MGAM2: variants seen among roughly 807,000 people sequenced by gnomAD.
MGAM2 encodes probable maltase-glucoamylase 2.
In MGAM2, 98 loss-of-function variants were observed where a neutral mutation model predicts 96.1. That is an observed-to-expected ratio of 1.02 (90% confidence interval 0.87 to 1.21). The LOEUF is 1.21. Among genes scored for constraint, MGAM2 ranks in the 50% most tolerant of loss-of-function variants. The pLI, the probability that MGAM2 is intolerant of heterozygous loss-of-function variation, is 0.00. For missense variants in MGAM2, 2,055 were observed against 1,182.4 expected (o/e 1.74, Z -10.82); for synonymous variants, 749 against 414.8 (o/e 1.81, Z -9.79).
At chr7:142,141,160 G>T in intron 12 of MGAM2, 41 bp downstream of exon 12, 1 of 689,832 alleles carries the variant, frequency 1.4e-6, no homozygotes, top group South Asian at 1.6e-5. Flanking sequence ...TGATTGTTTT[G>T]GGGAGTTGTA....
chr7:142,119,745 T>C (rs1278869590), intron 2 of MGAM2, among the ~76,000 whole-genome samples: 1 of 152,206 alleles, frequency 6.6e-6, no homozygotes, highest in East Asian at 1.9e-4. Context: ...CACTGATACA[T>C]ACTACAACAT....
At chr7:142,155,097 T>A (rs142788897) in intron 17 of MGAM2, among the ~76,000 whole-genome samples, 1 of 152,232 alleles carries the variant, frequency 6.6e-6, no homozygotes, top group Non-Finnish European at 1.5e-5. Flanking sequence ...AAAGTTTCTA[T>A]GGTGCTGCCA....
intron 17 of MGAM2, among the ~76,000 whole-genome samples, chr7:142,156,230 ATG>A (rs940941695): frequency 2.6e-5 from 4 of 151,958 alleles, no homozygotes; most frequent in Non-Finnish European, 2.9e-5. Flanking sequence ...GTGTATCTAT[ATG>A]TGTGTGTGTG....
intron 13 of MGAM2, among the ~76,000 whole-genome samples, chr7:142,144,262 G>A (rs1017967002): frequency 6.6e-6 from 1 of 152,088 alleles, no homozygotes; most frequent in Non-Finnish European, 1.5e-5. Flanking sequence ...TATTTTTATG[G>A]AAGAACAATA....
At chr7:142,113,999 C>A (rs559826669) in intron 1 of MGAM2, among the ~76,000 whole-genome samples, 1 of 151,616 alleles carries the variant, frequency 6.6e-6, no homozygotes, top group Non-Finnish European at 1.5e-5. Context: ...GGCATGATGG[C>A]GGGTGCCTGT....
chr7:142,191,801 G>A (rs1262072824), intron 37 of MGAM2, among the ~76,000 whole-genome samples: 1 of 151,836 alleles, frequency 6.6e-6, no homozygotes, highest in Non-Finnish European at 1.5e-5. Context: ...AAATCAGTTT[G>A]GTGAGTATTA....
rs1796795145 is a variant in MGAM2 at position 142,189,239 on chromosome 7, C to T, written c.4208-128C>T. ...AACATTGTTTTCTATAGACTAAAACCTCATAAAATTGGGTCTGTTACTGGT... is the reference window on the plus strand; with the variant it reads ...AACATTGTTTTCTATAGACTAAAACTTCATAAAATTGGGTCTGTTACTGGT... On this transcript the variant is annotated intron_variant, in intron 36 of 47. Coordinates refer to ENST00000477922, the MANE Select transcript of MGAM2 (RefSeq NM_001293626.2). 7.3e-6 allele frequency: 4 copies of T among 545,854 alleles called. No homozygotes were observed. In the East Asian group the frequency reaches 1.3e-4, roughly 17 times the overall value. The allele number at this position is 545,854 out of a possible 1,614,324, so 33.8% of individuals were successfully genotyped here. A position where few individuals can be genotyped will look rare whatever the true frequency, so the allele number is the denominator to read the frequency against.
Position 142,134,157 on chromosome 7 carries a change from G to A in MGAM2, c.747+5G>A, listed in dbSNP as rs1794988431. On this transcript the variant is annotated splice_donor_5th_base_variant and intron_variant, in intron 7 of 47. Coordinates refer to ENST00000477922, the MANE Select transcript of MGAM2 (RefSeq NM_001293626.2). ...CGGGACGCTACCCCCACCGAGGTGA[G>A]GTGGCTTTCCTCCTGAGTATCGCCC... is the stretch of plus-strand genomic sequence containing the variant. The A allele has an allele frequency of 1.4e-6, 1 of 735,096 alleles. No homozygotes were observed. Among genetic ancestry groups the A allele is most frequent in the Admixed American group, 1.8e-5 (1 of 54,224 alleles). The allele number at this position is 735,096 out of a possible 1,614,324, so 45.5% of individuals were successfully genotyped here. A position where few individuals can be genotyped will look rare whatever the true frequency, so the allele number is the denominator to read the frequency against.
At position 142,214,838 on chromosome 7, in the gene MGAM2, T is replaced by A. The variant is rs140180286; in HGVS notation, c.5188-3523T>A. On this transcript the variant is annotated intron_variant, in intron 46 of 47. Coordinates refer to ENST00000477922, the MANE Select transcript of MGAM2 (RefSeq NM_001293626.2). ...GAGGATGTGGAGAAATAGGAATGCT[T>A]TTACACTGTCAGTGGGAGTGTAAAT... 4.7e-3 allele frequency among the ~76,000 whole-genome samples: 711 copies of A among 152,308 alleles called. 10 individuals are homozygous for A. In the East Asian group the frequency reaches 0.066, roughly 14 times the overall value.
chr7:142,137,345 T>C, intron 8 of MGAM2, 88 bp from the exon 9 acceptor site: 1 of 523,436 alleles, frequency 1.9e-6, no homozygotes, highest in Non-Finnish European at 3.4e-6. Context: ...AGACTGAGAC[T>C]CTTTTAGGTG....
intron 24 of MGAM2, among the ~76,000 whole-genome samples, chr7:142,165,633 A>G (rs1195477854): frequency 6.6e-6 from 1 of 152,202 alleles, no homozygotes; most frequent in Non-Finnish European, 1.5e-5. Flanking sequence ...CTCTTAGGGT[A>G]TTAGGTGTCT....
chr7:142,186,264 G>T (rs1207349714), intron 35 of MGAM2, 141 bp downstream of exon 35: 5 of 608,300 alleles, frequency 8.2e-6, no homozygotes, highest in Admixed American at 2.8e-5. Context: ...GAATCTAGGT[G>T]CTAGGACCAA....
intron 46 of MGAM2, among the ~76,000 whole-genome samples, chr7:142,213,270 G>T (rs1351459220): frequency 6.6e-6 from 1 of 152,092 alleles, no homozygotes; most frequent in African/African-American, 2.4e-5. Flanking sequence ...AGCTAGAGAA[G>T]CAAGGGCAAA....
chr7:142,204,793 A>G (rs1379137337), intron 45 of MGAM2, among the ~76,000 whole-genome samples: 1 of 152,082 alleles, frequency 6.6e-6, no homozygotes, highest in Non-Finnish European at 1.5e-5. Context: ...ATAAATAAAT[A>G]CGTAAATAAA....
At chr7:142,171,654 A>T (rs1256174064) in intron 28 of MGAM2, among the ~76,000 whole-genome samples, 1 of 68,120 alleles carries the variant, frequency 1.5e-5, no homozygotes, top group African/African-American at 5.3e-5. Flanking sequence ...ATATATATAT[A>T]TCCACAACTG....
In MGAM2 at chr7:142,163,774, T is replaced by C. The variant is rs1267460863; in HGVS notation, c.2485-1082T>C. On this transcript the variant is annotated intron_variant, in intron 23 of 47. Coordinates refer to ENST00000477922, the MANE Select transcript of MGAM2 (RefSeq NM_001293626.2). ...GCATCTGATGTTGTCACTATTTTTT[T>C]AGGCTTTTCTGATTGGTGTGTAGTT... is the stretch of plus-strand genomic sequence containing the variant. Among the ~76,000 whole-genome samples the C allele has an allele frequency of 5.3e-5, 8 of 152,228 alleles. No individual in the cohort carries two copies. In the South Asian group the frequency reaches 1.4e-3, roughly 28 times the overall value.
At chr7:142,146,821 G>A (rs1003621281) in intron 14 of MGAM2, among the ~76,000 whole-genome samples, 4 of 151,160 alleles carry the variant, frequency 2.6e-5, no homozygotes, top group Admixed American at 6.6e-5. Flanking sequence ...TCCGCCTCCC[G>A]GGCTCAAGTG....
intron 45 of MGAM2, among the ~76,000 whole-genome samples, chr7:142,207,645 G>A (rs993031717): frequency 6.6e-6 from 1 of 151,952 alleles, no homozygotes; most frequent in Non-Finnish European, 1.5e-5. Context: ...TAGCCAGGAC[G>A]GTCTCGAGCT....
chr7:142,205,807 AT>A (rs1012474912), intron 45 of MGAM2, among the ~76,000 whole-genome samples: 3 of 151,952 alleles, frequency 2.0e-5, no homozygotes, highest in African/African-American at 7.2e-5. Context: ...TAATTTATCT[AT>A]TTTTTTCTAT....
Sources: gnomAD v4.1 joint callset for allele counts (sites outside exome capture counted in the v4.1 genomes callset) on GRCh38, gnomAD v4.1.1 for gene constraint, MANE v1.5 for transcripts, NCBI Gene and HGNC (gene_info 2026-07-23, HGNC 2026-07-21) for gene names.